Variants in HDAC9 observed in about 807,000 individuals in gnomAD.
The protein encoded by HDAC9 is MEF-2 interacting transcription repressor (MITR) protein.
In HDAC9, 41 loss-of-function variants were observed where a neutral mutation model predicts 139.4. The observed-to-expected ratio is 0.29, with a 90% CI of 0.23 to 0.38. HDAC9 has a LOEUF of 0.38. Ranked by LOEUF, HDAC9 falls within the 10% of genes least tolerant of loss-of-function variation. The pLI is 1.00. For synonymous variants in HDAC9, 517 were observed against 476.2 expected, an observed-to-expected ratio of 1.09 and a Z score of -1.12; for missense variants, 1,147 against 1,297.0, an observed-to-expected ratio of 0.88 and a Z score of 1.78.
At chr7:18,335,257 A>C (rs572508595) in intron 1 of HDAC9, among the ~76,000 whole-genome samples, 5 of 151,710 alleles carry the variant, frequency 3.3e-5, no homozygotes, top group African/African-American at 1.2e-4. Flanking sequence ...CATGTAATGC[A>C]GGGCACAGGA....
chr7:18,194,865 C>T (rs1790616794), intron 2 of HDAC9, among the ~76,000 whole-genome samples: 1 of 151,834 alleles, frequency 6.6e-6, no homozygotes, highest in African/African-American at 2.4e-5. Flanking sequence ...AATTAATTTT[C>T]TATTTGAATA....
intron 22 of HDAC9, among the ~76,000 whole-genome samples, chr7:18,910,742 G>A (rs962117422): frequency 2.6e-5 from 4 of 151,804 alleles, no homozygotes; most frequent in African/African-American, 4.8e-5. Flanking sequence ...TTCTGTTGAC[G>A]TGATGTACCT....
chr7:18,778,265 C>T (rs1393994445), intron 16 of HDAC9, among the ~76,000 whole-genome samples: 1 of 151,806 alleles, frequency 6.6e-6, no homozygotes, highest in Non-Finnish European at 1.5e-5. Context: ...GTATTAAATC[C>T]ATGCACTCAA....
At chr7:18,533,529 T>G (rs1442519057) in intron 2 of HDAC9, among the ~76,000 whole-genome samples, 1 of 152,182 alleles carries the variant, frequency 6.6e-6, no homozygotes, top group Non-Finnish European at 1.5e-5. Context: ...TTATTGTGAG[T>G]TCTAGTCCCA....
At position 18,648,830 on chromosome 7, in the gene HDAC9, G is replaced by A. The variant is rs1019342409; in HGVS notation, c.1467+147G>A. Reference sequence around the variant, plus strand: ...CCTAAGCCTGCTTTCTTGGCTCAAGGACACCATCACAATATCAGTGTTTTA... The same window carrying A: ...CCTAAGCCTGCTTTCTTGGCTCAAGAACACCATCACAATATCAGTGTTTTA... On this transcript the variant is annotated intron_variant, in intron 11 of 25. Transcript: ENST00000686413. 7.3e-6 allele frequency: 5 copies of A among 682,224 alleles called. No individual in the cohort carries two copies. In the Admixed American group the frequency reaches 1.3e-4, roughly 18 times the overall value. 42.3% of individuals were successfully genotyped at this position (682,224 alleles called of 1,614,324 possible).
chr7:18,149,796 T>A (rs573450062), intron 1 of HDAC9, among the ~76,000 whole-genome samples: 60 of 152,192 alleles, frequency 3.9e-4, no homozygotes, highest in African/African-American at 1.4e-3. Flanking sequence ...CCTTGTGATC[T>A]GCCCGCCTTG....
chr7:18,909,489 C>T (rs1802555366), intron 22 of HDAC9, among the ~76,000 whole-genome samples: 3 of 151,810 alleles, frequency 2.0e-5, no homozygotes, highest in South Asian at 2.1e-4. Context: ...AAAGCATTTC[C>T]CCTATGTTTT....
At chr7:18,745,883 C>CTTTTTT (rs752292349) in intron 13 of HDAC9, among the ~76,000 whole-genome samples, 244 of 99,384 alleles carry the variant, frequency 2.5e-3, no homozygotes, top group Non-Finnish European at 2.9e-3. Flanking sequence ...TCTTCTTCTT[C>CTTTTTT]TTTTTTTTTT....
intron 13 of HDAC9, among the ~76,000 whole-genome samples, chr7:18,732,954 T>TACACAC: frequency 8.8e-6 from 1 of 113,146 alleles, no homozygotes; most frequent in Non-Finnish European, 1.9e-5. Context: ...CACACGTGTA[T>TACACAC]GTGTGTGTAT....
At chr7:18,400,449 T>G (rs1373018157) in intron 1 of HDAC9, among the ~76,000 whole-genome samples, 1 of 152,156 alleles carries the variant, frequency 6.6e-6, no homozygotes, top group Non-Finnish European at 1.5e-5. Flanking sequence ...CAGACAAGCA[T>G]GTTGCTGTAG....
At chr7:18,713,962 C>A (rs1438128044) in intron 12 of HDAC9, among the ~76,000 whole-genome samples, 1 of 152,092 alleles carries the variant, frequency 6.6e-6, no homozygotes, top group Non-Finnish European at 1.5e-5. Flanking sequence ...ATTTCCTTAT[C>A]CTATTTGGAG....
chr7:18,439,941 TA>T (rs1791593119), intron 1 of HDAC9, among the ~76,000 whole-genome samples: 1 of 152,208 alleles, frequency 6.6e-6, no homozygotes, highest in African/African-American at 2.4e-5. Context: ...TGATAGTAGA[TA>T]TTACTTCACT....
At chr7:18,706,115 G>A (rs887143451) in intron 12 of HDAC9, among the ~76,000 whole-genome samples, 1 of 121,320 alleles carries the variant, frequency 8.2e-6, no homozygotes, top group South Asian at 2.6e-4. Flanking sequence ...TAACCAGGTC[G>A]TTTGTTTACA....
chr7:18,646,477 T>C (rs1259541362), intron 9 of HDAC9, among the ~76,000 whole-genome samples: 1 of 152,176 alleles, frequency 6.6e-6, no homozygotes, highest in Non-Finnish European at 1.5e-5. Context: ...AGTTTAGCAT[T>C]GCTTTGCCAA....
chr7:18,923,700 G>T (rs989886810), intron 22 of HDAC9, among the ~76,000 whole-genome samples: 2 of 151,922 alleles, frequency 1.3e-5, no homozygotes, highest in African/African-American at 4.8e-5. Context: ...TATATAAGTT[G>T]GATATTGGGC....
chr7:18,825,660 G>T (rs1795368674), intron 17 of HDAC9, among the ~76,000 whole-genome samples: 1 of 150,634 alleles, frequency 6.6e-6, no homozygotes, highest in Non-Finnish European at 1.5e-5. Context: ...AGAAAAACGT[G>T]GGAGCTGGAG....
intron 8 of HDAC9, among the ~76,000 whole-genome samples, chr7:18,640,668 T>C (rs950803795): frequency 3.3e-5 from 5 of 151,970 alleles, no homozygotes; most frequent in Admixed American, 2.6e-4. Flanking sequence ...ATCCATGAGT[T>C]TTAATGGGAT....
chr7:18,915,604 G>T (rs368086018), intron 22 of HDAC9, among the ~76,000 whole-genome samples: 1 of 150,058 alleles, frequency 6.7e-6, no homozygotes, highest in African/African-American at 2.5e-5. Context: ...TTTGTTTTAT[G>T]ATTATGTTGC....
chr7:18,688,665 A>G (rs1490251445), intron 12 of HDAC9, among the ~76,000 whole-genome samples: 1 of 151,906 alleles, frequency 6.6e-6, no homozygotes, highest in East Asian at 1.9e-4. Context: ...GTCTTTTCAA[A>G]TAGGAGATAA....
Sources: allele counts gnomAD v4.1 joint callset (sites outside exome capture counted in the v4.1 genomes callset), GRCh38; gene constraint gnomAD v4.1.1; transcripts MANE v1.5; gene names NCBI Gene and HGNC (gene_info 2026-07-23, HGNC 2026-07-21).